Variants in EHMT1 observed in about 807,000 individuals in gnomAD.
EHMT1 encodes histone-lysine N-methyltransferase EHMT1.
A neutral mutation model predicts 147.2 loss-of-function variants in EHMT1; 15 were observed. The observed-to-expected ratio is 0.10, with a 90% CI of 0.07 to 0.16. EHMT1 has a LOEUF of 0.16. Ranked by LOEUF, EHMT1 falls within the 10% of genes least tolerant of loss-of-function variation. The pLI, the probability that EHMT1 is intolerant of heterozygous loss-of-function variation, is 1.00. For synonymous variants in EHMT1, 795 were observed against 709.6 expected (o/e 1.12, Z -1.91); for missense variants, 1,587 against 1,772.4 (o/e 0.90, Z 1.88).
intron 14 of EHMT1, among the ~76,000 whole-genome samples, chr9:137,780,122 T>G (rs944470919): frequency 3.5e-5 from 5 of 141,432 alleles, no homozygotes; most frequent in Admixed American, 6.9e-5. Flanking sequence ...GGATGTGTGG[T>G]GATGACGCTG....
intron 18 of EHMT1, among the ~76,000 whole-genome samples, chr9:137,808,617 A>C (rs564754828): frequency 1.8e-3 from 243 of 137,440 alleles, no homozygotes; most frequent in Non-Finnish European, 1.8e-3. Flanking sequence ...GAACAGTCCC[A>C]GAGTGGAAGG....
In EHMT1 at chr9:137,834,761, T is replaced by A. The variant is rs747881388; in HGVS notation, c.3717-12T>A. 5 of 1,613,286 alleles carry A rather than the reference T, an allele frequency of 3.1e-6. No homozygotes were observed. In the African/African-American group the frequency reaches 6.7e-5, roughly 22 times the overall value. ...GATTCGACTTGGAGCCTTGGTTCTG[T>A]TCCCTCCCCAGGTTTGACTATGGAG... On this transcript the variant is annotated splice_polypyrimidine_tract_variant and intron_variant, in intron 26 of 26. Transcript: ENST00000460843.
chr9:137,678,659 G>A (rs1050488380), intron 1 of EHMT1, among the ~76,000 whole-genome samples: 1 of 151,840 alleles, frequency 6.6e-6, no homozygotes, highest in Admixed American at 6.6e-5. Context: ...CACATATACC[G>A]ATGGTAAAGT....
chr9:137,719,417 C>G (rs1220432611), intron 3 of EHMT1, among the ~76,000 whole-genome samples: 5 of 152,044 alleles, frequency 3.3e-5, no homozygotes, highest in African/African-American at 4.8e-5. Flanking sequence ...CCTCAGGGGC[C>G]CACAGCTGCT....
intron 18 of EHMT1, among the ~76,000 whole-genome samples, chr9:137,803,599 G>A (rs1031903279): frequency 2.6e-5 from 4 of 152,146 alleles, no homozygotes; most frequent in Non-Finnish European, 4.4e-5. Context: ...TAAGAGAGAT[G>A]CTGTGAATAC....
At chr9:137,757,634 A>G (rs570718926) in intron 8 of EHMT1, among the ~76,000 whole-genome samples, 79 of 152,314 alleles carry the variant, frequency 5.2e-4, no homozygotes, top group Non-Finnish European at 8.5e-4. Flanking sequence ...GTTTTTGTCT[A>G]TACAGCTTCT....
At chr9:137,821,318 CTTTTTTTT>C (rs778919891) in intron 25 of EHMT1, among the ~76,000 whole-genome samples, 5 of 63,982 alleles carry the variant, frequency 7.8e-5, no homozygotes, top group African/African-American at 2.7e-4. Flanking sequence ...TGCGCCCGGC[CTTTTTTTT>C]TTTTTTTTTT....
chr9:137,642,309 C>A (rs1844550625), intron 1 of EHMT1, among the ~76,000 whole-genome samples: 1 of 151,962 alleles, frequency 6.6e-6, no homozygotes, highest in African/African-American at 2.4e-5. Flanking sequence ...TTTTGTTCTT[C>A]ATGGAGATGG....
At chr9:137,642,226 G>C (rs1589088138) in intron 1 of EHMT1, among the ~76,000 whole-genome samples, 2 of 152,130 alleles carry the variant, frequency 1.3e-5, no homozygotes, top group East Asian at 1.9e-4. Context: ...TGAAAGGTAG[G>C]GTTTATACTT....
chr9:137,745,541 A>C (rs11137199), intron 6 of EHMT1: 10,520 of 398,550 alleles, frequency 0.026, 837 homozygotes, highest in African/African-American at 0.18. Context: ...TGAAACAGTC[A>C]CTACAGGAAC....
intron 25 of EHMT1, among the ~76,000 whole-genome samples, chr9:137,821,987 G>A (rs1038809385): frequency 6.6e-6 from 1 of 152,124 alleles, no homozygotes; most frequent in Non-Finnish European, 1.5e-5. Flanking sequence ...CTACTTTCAA[G>A]TATATGGTTT....
chr9:137,621,319 TTAAAG>T lies in EHMT1; in HGVS notation c.21+2274_21+2278del, dbSNP rs1374183738. On this transcript the variant is annotated intron_variant, in intron 1 of 26. Coordinates refer to ENST00000460843, the MANE Select transcript of EHMT1 (RefSeq NM_024757.5). ...TCAGGGTTCATTAATTGCCAAATGA[TTAAAG>T]TAATAAAGCTGACACTGGAAACTTA... Among the ~76,000 whole-genome samples, 8 of 152,312 alleles carry T rather than the reference TTAAAG, an allele frequency of 5.3e-5. No individual in the cohort carries two copies. In the South Asian group the frequency reaches 1.0e-3, roughly 20 times the overall value.
chr9:137,732,665 G>A lies in EHMT1; in HGVS notation c.823+4136G>A, dbSNP rs932753261. ...CTCACTCCAGGTTGTGGATTCTGCC[G>A]GGAACTGGCAGCCCGGTTTTCAGGC... On this transcript the variant is annotated intron_variant, in intron 4 of 26. Coordinates refer to ENST00000460843, the MANE Select transcript of EHMT1 (RefSeq NM_024757.5). The surrounding 1 kb of genome is among the most constrained non-coding windows in gnomAD (Gnocchi z 4.6). Among the ~76,000 whole-genome samples, 8 of 152,330 alleles carry A rather than the reference G, an allele frequency of 5.3e-5. No homozygotes were observed. The South Asian group carries it at 1.5e-3, about 28-fold the overall frequency.
Position 137,835,191 on chromosome 9 carries a change from T to G in EHMT1, c.*238T>G. On this transcript the variant is annotated 3_prime_UTR_variant, in exon 27 of 27. Coordinates refer to ENST00000460843, the MANE Select transcript of EHMT1 (RefSeq NM_024757.5). ...AGTGCCCAGGCTGGAGCGCACACTT[T>G]GGTCCGCGCGCCAGAGACGCTGGGA... The G allele has an allele frequency of 2.4e-6, 1 of 410,968 alleles. No individual in the cohort carries two copies. The highest frequency in any genetic ancestry group is 4.2e-5 in the East Asian group (1 of 23,622). The allele number at this position is 410,968 out of a possible 1,614,324, so 25.5% of individuals were successfully genotyped here. A position where few individuals can be genotyped will look rare whatever the true frequency, so the allele number is the denominator to read the frequency against.
At chr9:137,760,316 C>G (rs534641070) in intron 9 of EHMT1, among the ~76,000 whole-genome samples, 1 of 152,320 alleles carries the variant, frequency 6.6e-6, no homozygotes, top group Admixed American at 6.5e-5. Context: ...TCACTGCAGC[C>G]TCTTGGCTGC....
At chr9:137,650,654 T>C (rs1363590039) in intron 1 of EHMT1, among the ~76,000 whole-genome samples, 4 of 151,068 alleles carry the variant, frequency 2.6e-5, no homozygotes, top group African/African-American at 9.7e-5. Context: ...TTATCAGATA[T>C]AGGACCCCCC....
chr9:137,684,503 T>C (rs1007371992), intron 1 of EHMT1, among the ~76,000 whole-genome samples: 1 of 152,032 alleles, frequency 6.6e-6, no homozygotes, highest in African/African-American at 2.4e-5. Flanking sequence ...GTTTTTGATT[T>C]TGTTTTGAGA....
At chr9:137,690,778 A>G (rs1395060123) in intron 1 of EHMT1, among the ~76,000 whole-genome samples, 1 of 152,068 alleles carries the variant, frequency 6.6e-6, no homozygotes. Context: ...TGTGATCATC[A>G]CTTGTGTATG....
intron 1 of EHMT1, among the ~76,000 whole-genome samples, chr9:137,708,138 T>G (rs953541629): frequency 3.9e-5 from 6 of 152,250 alleles, no homozygotes; most frequent in Non-Finnish European, 8.8e-5. Flanking sequence ...AAAGTACTTT[T>G]TCTGAATGAA....
Sources: allele counts gnomAD v4.1 joint callset (sites outside exome capture counted in the v4.1 genomes callset), GRCh38; gene constraint gnomAD v4.1.1; non-coding constraint Gnocchi (gnomAD v3.1); transcripts MANE v1.5; gene names NCBI Gene and HGNC (gene_info 2026-07-23, HGNC 2026-07-21).